The following FARS2 variants were observed in gnomAD, a reference collection of about 807,000 sequenced individuals.
The protein encoded by FARS2 is phenylalanine--tRNA ligase, mitochondrial.
A neutral mutation model predicts 46.4 loss-of-function variants in FARS2; 40 were observed. The ratio of observed to expected loss-of-function variants is 0.86; its 90% CI spans 0.67 to 1.12. The LOEUF is 1.12. Ranked by LOEUF, FARS2 falls within the 50% of genes most tolerant of loss-of-function variation. The pLI, the probability that FARS2 is intolerant of heterozygous loss-of-function variation, is 0.00. For missense variants in FARS2, 513 were observed against 567.9 expected, an observed-to-expected ratio of 0.90 and a Z score of 0.98; for synonymous variants, 234 against 214.9, an observed-to-expected ratio of 1.09 and a Z score of -0.78.
intron 4 of FARS2, among the ~76,000 whole-genome samples, chr6:5,539,408 T>TATA (rs68137910): frequency 0.034 from 3,208 of 93,846 alleles, 87 homozygotes; most frequent in Middle Eastern, 0.071. Flanking sequence ...ATGTATATAT[T>TATA]TTTTTAGTAG....
intron 4 of FARS2, among the ~76,000 whole-genome samples, chr6:5,499,945 C>A (rs1293681239): frequency 6.6e-6 from 1 of 152,178 alleles, no homozygotes; most frequent in Non-Finnish European, 1.5e-5. Flanking sequence ...TCAATGCCTT[C>A]TTTCTTCTCT....
At chr6:5,497,431 A>G (rs1005703662) in intron 4 of FARS2, among the ~76,000 whole-genome samples, 1 of 152,212 alleles carries the variant, frequency 6.6e-6, no homozygotes, top group Non-Finnish European at 1.5e-5. Context: ...TGAGAATGAA[A>G]ATCTTAATGT....
chr6:5,629,579 G>A (rs1310510388), intron 6 of FARS2, among the ~76,000 whole-genome samples: 1 of 152,174 alleles, frequency 6.6e-6, no homozygotes, highest in Non-Finnish European at 1.5e-5. Context: ...CCTAAAGCCT[G>A]TATTCCCTTA....
intron 1 of FARS2, among the ~76,000 whole-genome samples, chr6:5,282,388 A>G (rs887895756): frequency 3.9e-5 from 6 of 152,162 alleles, no homozygotes; most frequent in Non-Finnish European, 7.4e-5. Context: ...GGGAGCATTC[A>G]CATCCCAGGC....
chr6:5,732,618 G>C (rs1561827700), intron 6 of FARS2, among the ~76,000 whole-genome samples: 1 of 152,140 alleles, frequency 6.6e-6, no homozygotes, highest in African/African-American at 2.4e-5. Flanking sequence ...TGAGGAGGGA[G>C]AAAAACAGCA....
At position 5,545,386 on chromosome 6, in the gene FARS2, G is replaced by A. The variant is rs780171876; in HGVS notation, c.1065+46G>A. 5 of 1,439,062 alleles carry A rather than the reference G, an allele frequency of 3.5e-6. No individual in the cohort carries two copies. In the South Asian group the frequency reaches 6.2e-5, roughly 18 times the overall value. 89.1% of individuals were successfully genotyped at this position (1,439,062 alleles called of 1,614,324 possible). On this transcript the variant is annotated intron_variant, in intron 5 of 6. Transcript: ENST00000274680. Reference sequence around the variant, plus strand: ...TGAATAGATAATAATAAAAATGGCTGTCAAGGATCGACAGGATCATGTACT... The same window carrying A: ...TGAATAGATAATAATAAAAATGGCTATCAAGGATCGACAGGATCATGTACT...
At chr6:5,718,896 T>C (rs1759693366) in intron 6 of FARS2, among the ~76,000 whole-genome samples, 1 of 152,194 alleles carries the variant, frequency 6.6e-6, no homozygotes, top group Non-Finnish European at 1.5e-5. Flanking sequence ...TAATACTGAA[T>C]CTTTGGTTCT....
intron 5 of FARS2, among the ~76,000 whole-genome samples, chr6:5,562,724 AC>A (rs1561715105): frequency 0.029 from 4,395 of 151,420 alleles, 146 homozygotes; most frequent in African/African-American, 0.084. Flanking sequence ...ACACACACAC[AC>A]ACAGTGTTTT....
intron 6 of FARS2, among the ~76,000 whole-genome samples, chr6:5,683,548 G>A (rs916515436): frequency 4.6e-5 from 7 of 152,000 alleles, no homozygotes; most frequent in Non-Finnish European, 8.8e-5. Flanking sequence ...GCTGGGAAAC[G>A]TGAGTCTGGT....
intron 6 of FARS2, among the ~76,000 whole-genome samples, chr6:5,614,473 G>C (rs570043950): frequency 1.3e-5 from 2 of 150,290 alleles, no homozygotes; most frequent in East Asian, 2.0e-4. Context: ...GCAGTGATGC[G>C]ATCTCGGCTC....
At chr6:5,644,359 C>T (rs533832301) in intron 6 of FARS2, among the ~76,000 whole-genome samples, 28 of 152,174 alleles carry the variant, frequency 1.8e-4, no homozygotes, top group East Asian at 1.4e-3. Flanking sequence ...ACTACAGGTG[C>T]GCACCACCAC....
At chr6:5,318,387 C>CAAAAAAAAAAAAAAAAAAAAAAAAACA (rs753113504) in intron 1 of FARS2, among the ~76,000 whole-genome samples, 3 of 77,180 alleles carry the variant, frequency 3.9e-5, no homozygotes, top group Non-Finnish European at 5.3e-5. Flanking sequence ...AAAAAAAAAC[C>CAAAAAAAAAAAAAAAAAAAAAAAAACA]AAAAAAAAAA....
intron 4 of FARS2, among the ~76,000 whole-genome samples, chr6:5,531,338 C>T (rs768782915): frequency 6.6e-6 from 1 of 152,162 alleles, no homozygotes; most frequent in African/African-American, 2.4e-5. Context: ...ATTCTCACTG[C>T]GCAGGACCGT....
chr6:5,715,317 C>T (rs916946221), intron 6 of FARS2, among the ~76,000 whole-genome samples: 17 of 152,186 alleles, frequency 1.1e-4, no homozygotes, highest in African/African-American at 4.1e-4. Flanking sequence ...ACACCCTCCC[C>T]AGCATGCGTT....
intron 4 of FARS2, among the ~76,000 whole-genome samples, chr6:5,490,011 G>C (rs1462985788): frequency 6.6e-6 from 1 of 152,128 alleles, no homozygotes; most frequent in Non-Finnish European, 1.5e-5. Context: ...GATACAGAGA[G>C]TTCTCTCACC....
chr6:5,523,951 T>C (rs891536572), intron 4 of FARS2, among the ~76,000 whole-genome samples: 2 of 152,118 alleles, frequency 1.3e-5, no homozygotes, highest in Admixed American at 1.3e-4. Context: ...AATTATCTAA[T>C]GATAATTCTT....
At chr6:5,371,189 T>A in intron 2 of FARS2, 1 of 984,862 alleles carries the variant, frequency 1.0e-6, no homozygotes, top group Non-Finnish European at 1.2e-6. Flanking sequence ...GAGAGTGGAG[T>A]CAGAAGATTG....
At chr6:5,583,260 T>C (rs1561730740) in intron 5 of FARS2, among the ~76,000 whole-genome samples, 1 of 152,250 alleles carries the variant, frequency 6.6e-6, no homozygotes, top group South Asian at 2.1e-4. Flanking sequence ...ATTTCTATCT[T>C]GTTTGCATGA....
chr6:5,725,091 A>G (rs1378872658), intron 6 of FARS2, among the ~76,000 whole-genome samples: 1 of 152,268 alleles, frequency 6.6e-6, no homozygotes, highest in Non-Finnish European at 1.5e-5. Context: ...GTATTTTGCA[A>G]TGGCCTGACT....
Sources: allele counts gnomAD v4.1 joint callset (sites outside exome capture counted in the v4.1 genomes callset), GRCh38; gene constraint gnomAD v4.1.1; transcripts MANE v1.5; gene names NCBI Gene and HGNC (gene_info 2026-07-23, HGNC 2026-07-21).